The following SMURF1 variants were observed in gnomAD, a reference collection of about 807,000 sequenced individuals.
SMURF1 encodes the protein E3 ubiquitin-protein ligase SMURF1.
A neutral mutation model predicts 98.0 loss-of-function variants in SMURF1; 44 were observed. The ratio of observed to expected loss-of-function variants is 0.45; its 90% CI spans 0.35 to 0.58. The LOEUF is 0.58. Among genes scored for constraint, SMURF1 ranks in the 20% least tolerant of loss-of-function variants. The pLI, the probability that SMURF1 is intolerant of heterozygous loss-of-function variation, is 0.00. For synonymous variants in SMURF1, 396 were observed against 374.9 expected (o/e 1.06, Z -0.65); for missense variants, 687 against 938.4 (o/e 0.73, Z 3.50).
chr7:99,043,817 C>T (rs1180799494), intron 11 of SMURF1, among the ~76,000 whole-genome samples: 1 of 152,158 alleles, frequency 6.6e-6, no homozygotes, highest in East Asian at 1.9e-4. Context: ...CACCACACAA[C>T]CATGCGGTGG....
intron 16 of SMURF1, among the ~76,000 whole-genome samples, chr7:99,034,578 T>TC (rs1201170097): frequency 6.6e-6 from 1 of 151,558 alleles, no homozygotes; most frequent in African/African-American, 2.4e-5. Flanking sequence ...GGGCTAATAA[T>TC]CCCCATCAGC....
At chr7:99,042,945 G>A (rs1460221378) in intron 11 of SMURF1, among the ~76,000 whole-genome samples, 1 of 152,170 alleles carries the variant, frequency 6.6e-6, no homozygotes, top group Non-Finnish European at 1.5e-5. Context: ...AACAAAAACA[G>A]TTCTTCATTG....
intron 1 of SMURF1, among the ~76,000 whole-genome samples, chr7:99,063,261 A>ATATATATAAGATT (rs1796095990): frequency 7.2e-4 from 5 of 6,946 alleles, no homozygotes; most frequent in East Asian, 7.5e-3. Flanking sequence ...ATATATATAT[A>ATATATATAAGATT]TATATATATA....
intron 1 of SMURF1, among the ~76,000 whole-genome samples, chr7:99,140,053 T>C (rs1798080876): frequency 6.6e-6 from 1 of 152,152 alleles, no homozygotes; most frequent in Non-Finnish European, 1.5e-5. Flanking sequence ...GTAGCTAAAT[T>C]GATATATCCT....
chr7:99,086,946 G>T (rs1584163051), intron 1 of SMURF1, among the ~76,000 whole-genome samples: 1 of 152,178 alleles, frequency 6.6e-6, no homozygotes, highest in Non-Finnish European at 1.5e-5. Context: ...AATATGTGGG[G>T]TTTCTTTTTC....
At chr7:99,118,029 C>T (rs150461755) in intron 1 of SMURF1, among the ~76,000 whole-genome samples, 97 of 152,258 alleles carry the variant, frequency 6.4e-4, no homozygotes, top group Admixed American at 1.4e-3. Flanking sequence ...CATGAAAATA[C>T]GCTCATCCTC....
At chr7:99,078,021 G>A (rs949715020) in intron 1 of SMURF1, among the ~76,000 whole-genome samples, 5 of 152,002 alleles carry the variant, frequency 3.3e-5, no homozygotes, top group African/African-American at 7.2e-5. Flanking sequence ...CACCAGTGCC[G>A]GGCACAGTCA....
At chr7:99,049,394 T>A (rs1795684827) in intron 9 of SMURF1, 169 bp downstream of exon 9, 1 of 701,618 alleles carries the variant, frequency 1.4e-6, no homozygotes, top group Non-Finnish European at 2.3e-6. Context: ...TCTTCACAGC[T>A]AATTTAAGAG....
At chr7:99,059,865 G>A (rs540346490) in intron 3 of SMURF1, among the ~76,000 whole-genome samples, 4 of 149,512 alleles carry the variant, frequency 2.7e-5, no homozygotes, top group Non-Finnish European at 5.9e-5. Context: ...CCGAGATCGC[G>A]CCACTGCACA....
intron 6 of SMURF1, among the ~76,000 whole-genome samples, chr7:99,054,459 A>G (rs1313658194): frequency 6.6e-6 from 1 of 151,988 alleles, no homozygotes; most frequent in African/African-American, 2.4e-5. Context: ...GGCGCCCACC[A>G]CCACGCCTGG....
At chr7:99,057,080 C>G (rs1411649880) in intron 5 of SMURF1, 125 bp downstream of exon 5, 1 of 863,590 alleles carries the variant, frequency 1.2e-6, no homozygotes, top group Non-Finnish European at 1.9e-6. Context: ...AGAGAAGGCC[C>G]CGTACGTGGT....
intron 1 of SMURF1, among the ~76,000 whole-genome samples, chr7:99,092,514 CA>C (rs1232343015): frequency 6.6e-6 from 1 of 152,180 alleles, no homozygotes; most frequent in African/African-American, 2.4e-5. Flanking sequence ...CAGCTGAGGT[CA>C]AACCAGGCAA....
At position 99,086,153 on chromosome 7, in the gene SMURF1, C is replaced by G. The variant is rs147982032; in HGVS notation, c.56-24316G>C. ...CTGAGGTTAGCAGTTCGAGACCAGC[C>G]TGGCCAACATGGTGAAACTCCGTCT... On this transcript the variant is annotated intron_variant, in intron 1 of 17. Coordinates refer to ENST00000361368, the MANE Select transcript of SMURF1 (RefSeq NM_181349.3). Among the ~76,000 whole-genome samples the G allele has an allele frequency of 8.7e-3, 1,314 of 151,892 alleles. 11 individuals carry two copies. Among genetic ancestry groups the G allele is most frequent in the Non-Finnish European group, 0.014 (967 of 68,004 alleles).
chr7:99,035,443 C>T (rs375682310), intron 16 of SMURF1, 72 bp downstream of exon 16: 26 of 1,551,886 alleles, frequency 1.7e-5, no homozygotes, highest in African/African-American at 1.4e-4. Flanking sequence ...ACATCCCAGC[C>T]ACCTTCCAGC....
At chr7:99,062,287 A>G (rs943541567) in intron 1 of SMURF1, among the ~76,000 whole-genome samples, 2 of 152,050 alleles carry the variant, frequency 1.3e-5, no homozygotes, top group Non-Finnish European at 2.9e-5. Flanking sequence ...TTGTAGAGAT[A>G]GGGCCACTGC....
intron 1 of SMURF1, among the ~76,000 whole-genome samples, chr7:99,114,847 A>G (rs6975671): frequency 0.95 from 143,984 of 152,078 alleles, 68,581 homozygotes; most frequent in East Asian, 1. Flanking sequence ...ATAACAGAAG[A>G]AAATTTGGAA....
rs756984805 is a variant in SMURF1, at chr7:99,040,480, C to T, written c.1448G>A (p.Gly483Asp). The change falls in exon 13 of 18, where the codon GGC (glycine) becomes GAC (aspartate). Residue 483 changes from glycine (G) to aspartate (D), a missense_variant. Physicochemically the swap from Gly to Asp is moderately conservative, Grantham distance 94. Coordinates refer to ENST00000361368, the MANE Select transcript of SMURF1 (RefSeq NM_181349.3). The part of the protein sequence containing the change: ...AVFHGHYING[G>D]FTVPFYKQLL... ...CTGCTTGTAGAAGGGCACTGTGAAG[C>T]CCCCGTTGATGTAGTGTCCATGGAA... 2.5e-6 allele frequency: 4 copies of T among 1,589,654 alleles called. No homozygotes were observed. The highest frequency in any genetic ancestry group is 3.6e-5 in the Admixed American group (2 of 56,166).
At chr7:99,137,712 C>T (rs1282728472) in intron 1 of SMURF1, among the ~76,000 whole-genome samples, 2 of 152,240 alleles carry the variant, frequency 1.3e-5, no homozygotes, top group Non-Finnish European at 2.9e-5. Flanking sequence ...GAGGTGAACA[C>T]AGCTGGAATT....
intron 2 of SMURF1, among the ~76,000 whole-genome samples, chr7:99,061,233 G>A (rs1344437172): frequency 1.3e-5 from 2 of 152,172 alleles, no homozygotes; most frequent in East Asian, 3.9e-4. Context: ...TCTTCATCTT[G>A]AAAGCATGAA....
Sources: gnomAD v4.1 joint callset for allele counts (sites outside exome capture counted in the v4.1 genomes callset) on GRCh38, gnomAD v4.1.1 for gene constraint, MANE v1.5 for transcripts, NCBI Gene and HGNC (gene_info 2026-07-23, HGNC 2026-07-21) for gene names.